Variants in WDPCP observed in about 807,000 individuals in gnomAD.
WDPCP encodes WD repeat containing planar cell polarity effector.
Under a neutral mutation model 93.1 loss-of-function variants are expected in WDPCP, and 71 were observed. The observed-to-expected ratio is 0.76, with a 90% CI of 0.63 to 0.93. WDPCP has a LOEUF of 0.93. Ranked by LOEUF, WDPCP falls within the 40% of genes least tolerant of loss-of-function variation. WDPCP has a pLI of 0.00. For synonymous variants in WDPCP, 315 were observed against 315.0 expected (o/e 1.00, Z 0.00); for missense variants, 844 against 887.4 (o/e 0.95, Z 0.62).
At chr2:63,723,790 T>C (rs1484081070) in intron 2 of WDPCP, among the ~76,000 whole-genome samples, 1 of 152,020 alleles carries the variant, frequency 6.6e-6, no homozygotes, top group Non-Finnish European at 1.5e-5. Context: ...TAAATGACAT[T>C]CTCATTTTGA....
chr2:63,405,559 G>A (rs1694505615), intron 9 of WDPCP, among the ~76,000 whole-genome samples: 1 of 150,492 alleles, frequency 6.6e-6, no homozygotes, highest in South Asian at 2.1e-4. Flanking sequence ...GTGTGTGTGT[G>A]TGTGTGTGTG....
rs114795091 is a variant in WDPCP at position 63,135,661 on chromosome 2, C to T, written c.2191-13605G>A. ...TATTATTTCAAGTTAATAAAATTCT[C>T]ATAATTATGGCAACATAATCCTCTC... On this transcript the variant is annotated intron_variant, in intron 17 of 17. Coordinates refer to ENST00000272321, the MANE Select transcript of WDPCP (RefSeq NM_015910.7). Among the ~76,000 whole-genome samples the T allele has an allele frequency of 5.6e-3, 850 of 152,282 alleles. 7 individuals are homozygous for T. The highest frequency in any genetic ancestry group is 6.8e-3 in the Middle Eastern group (2 of 294).
At chr2:63,311,319 G>A (rs1456502062) in intron 13 of WDPCP, among the ~76,000 whole-genome samples, 1 of 152,022 alleles carries the variant, frequency 6.6e-6, no homozygotes, top group Non-Finnish European at 1.5e-5. Context: ...ATAGGCTATA[G>A]ACCTCTGGCT....
At chr2:63,535,203 A>T (rs984344096) in intron 1 of WDPCP, among the ~76,000 whole-genome samples, 2 of 152,216 alleles carry the variant, frequency 1.3e-5, no homozygotes, top group African/African-American at 4.8e-5. Context: ...TGCTCAATGA[A>T]ATAAAAGAGG....
At chr2:63,134,100 G>A (rs796639342) in intron 17 of WDPCP, among the ~76,000 whole-genome samples, 30 of 152,172 alleles carry the variant, frequency 2.0e-4, no homozygotes, top group African/African-American at 5.8e-4. Context: ...GGTTGTATGT[G>A]GTTTCCTTAC....
intron 14 of WDPCP, among the ~76,000 whole-genome samples, chr2:63,253,751 G>T (rs998503968): frequency 6.6e-6 from 1 of 152,156 alleles, no homozygotes; most frequent in African/African-American, 2.4e-5. Context: ...ATGCTGTGAG[G>T]TTGTGGAGAA....
chr2:63,622,897 G>C (rs550047807), intron 3 of WDPCP: 1 of 1,387,684 alleles, frequency 7.2e-7, no homozygotes, highest in Non-Finnish European at 9.9e-7. Context: ...GAGGCACGCG[G>C]GGGCCGGGCC....
chr2:63,659,066 T>C (rs564924906), intron 2 of WDPCP, among the ~76,000 whole-genome samples: 3 of 152,344 alleles, frequency 2.0e-5, no homozygotes, highest in Admixed American at 6.5e-5. Flanking sequence ...AATAATACTT[T>C]AGTGGATCTT....
rs1255530063 is a variant in WDPCP at position 63,588,188 on chromosome 2, A to G, written c.75+9T>C. The G allele has an allele frequency of 2.0e-5, 32 of 1,562,272 alleles. No individual in the cohort carries two copies. Among genetic ancestry groups the G allele is most frequent in the Non-Finnish European group, 2.8e-5 (32 of 1,151,388 alleles). On this transcript the variant is annotated intron_variant, in intron 1 of 17. Transcript: ENST00000272321. ...AAAGAAAACCCCTTGCCCTCGGGCC[A>G]GGGCTCACCTGTCTCGGGAGTGGGG...
chr2:63,818,077 A>G (rs148907833), intron 1 of WDPCP, among the ~76,000 whole-genome samples: 178 of 152,354 alleles, frequency 1.2e-3, no homozygotes, highest in Middle Eastern at 0.01. Flanking sequence ...TGCTAGGCAC[A>G]CAACAGTTCA....
chr2:63,198,198 A>G (rs999532390), intron 14 of WDPCP, among the ~76,000 whole-genome samples: 1 of 152,210 alleles, frequency 6.6e-6, no homozygotes, highest in African/African-American at 2.4e-5. Context: ...AAAAAGCTGA[A>G]GTTCATCTTT....
At chr2:63,388,321 A>C (rs970893548) in intron 10 of WDPCP, among the ~76,000 whole-genome samples, 1 of 152,138 alleles carries the variant, frequency 6.6e-6, no homozygotes, top group African/African-American at 2.4e-5. Context: ...TGACTGTTAG[A>C]AGGAAAACTA....
chr2:63,454,799 C>T (rs184241601), intron 6 of WDPCP, among the ~76,000 whole-genome samples: 1 of 152,158 alleles, frequency 6.6e-6, no homozygotes, highest in East Asian at 1.9e-4. Context: ...AGAGAAAATT[C>T]TAAAAACAGC....
intron 14 of WDPCP, among the ~76,000 whole-genome samples, chr2:63,216,717 A>C (rs1677379698): frequency 6.6e-6 from 1 of 152,094 alleles, no homozygotes; most frequent in African/African-American, 2.4e-5. Flanking sequence ...TTAATAAAAA[A>C]AAAACTAAAA....
At chr2:63,238,832 A>G (rs1469146605) in intron 14 of WDPCP, among the ~76,000 whole-genome samples, 1 of 152,156 alleles carries the variant, frequency 6.6e-6, no homozygotes, top group African/African-American at 2.4e-5. Context: ...ATGACCTGGC[A>G]TTACTTCAGT....
At chr2:63,439,640 C>G (rs1697368238) in intron 7 of WDPCP, 117 bp downstream of exon 7, 3 of 840,852 alleles carry the variant, frequency 3.6e-6, no homozygotes, top group Non-Finnish European at 5.9e-6. Context: ...CTATTACAAG[C>G]AATTACTTGT....
chr2:63,506,240 C>A (rs541277839), intron 1 of WDPCP, among the ~76,000 whole-genome samples: 2 of 151,918 alleles, frequency 1.3e-5, no homozygotes, highest in South Asian at 4.2e-4. Flanking sequence ...ATGAACAGTA[C>A]CTTACAACCA....
chr2:63,628,318 T>C (rs1308500593), intron 3 of WDPCP, among the ~76,000 whole-genome samples: 1 of 152,142 alleles, frequency 6.6e-6, no homozygotes, highest in Non-Finnish European at 1.5e-5. Context: ...CAAAACAAAA[T>C]GAATATCATA....
chr2:63,634,567 A>G (rs889508241), intron 3 of WDPCP, among the ~76,000 whole-genome samples: 4 of 152,248 alleles, frequency 2.6e-5, no homozygotes. Flanking sequence ...AGCAGAATAT[A>G]CATTCATCTC....
Sources: gnomAD v4.1 joint callset for allele counts (sites outside exome capture counted in the v4.1 genomes callset) on GRCh38, gnomAD v4.1.1 for gene constraint, MANE v1.5 for transcripts, NCBI Gene and HGNC (gene_info 2026-07-23, HGNC 2026-07-21) for gene names.